CFAP44: variants seen among roughly 807,000 people sequenced by gnomAD.
The protein encoded by CFAP44 is cilia- and flagella-associated protein 44.
CFAP44 carries 134 observed loss-of-function variants against 216.2 expected under a neutral mutation model. That is an observed-to-expected ratio of 0.62 (90% CI 0.54 to 0.72). The LOEUF (loss-of-function observed/expected upper bound fraction) is 0.72, where lower values mean the gene tolerates loss of function less well. Among genes scored for constraint, CFAP44 ranks in the 30% least tolerant of loss-of-function variants. The probability of loss-of-function intolerance (pLI) is 0.00; values close to 1 mark genes in which losing one functional copy is unlikely to be tolerated. For missense variants in CFAP44, 2,035 were observed against 2,182.1 expected, an observed-to-expected ratio of 0.93 and a Z score of 1.34; for synonymous variants, 700 against 727.6, an observed-to-expected ratio of 0.96 and a Z score of 0.61.
In CFAP44 at chr3:113,381,411, T is replaced by TA. The variant is rs1277729254; in HGVS notation, c.1891-352dup. Among the ~76,000 whole-genome samples, 9 of 152,306 alleles carry TA rather than the reference T, an allele frequency of 5.9e-5. No individual in the cohort carries two copies. The East Asian group carries it at 1.7e-3, about 29-fold the overall frequency. On this transcript the variant is annotated intron_variant, in intron 15 of 34. Transcript: ENST00000393845. ...TCTGTTAGCCGAAAGGACCAGATAT[T>TA]AAAATTAGGACTGCCAAGGAAACTC...
At chr3:113,396,862 T>C in intron 13 of CFAP44, 135 bp from the exon 14 acceptor site, 1 of 835,762 alleles carries the variant, frequency 1.2e-6, no homozygotes, top group Admixed American at 2.7e-5. Context: ...CACTTTCTGG[T>C]AACCTCTATC....
chr3:113,346,938 C>T (rs1362446720), intron 22 of CFAP44, among the ~76,000 whole-genome samples: 2 of 152,200 alleles, frequency 1.3e-5, no homozygotes, highest in East Asian at 3.9e-4. Flanking sequence ...AGCTATAACA[C>T]TCACCGCGAA....
intron 18 of CFAP44, 51 bp downstream of exon 18, chr3:113,373,360 T>G: frequency 7.2e-7 from 1 of 1,398,558 alleles, no homozygotes; most frequent in Non-Finnish European, 9.4e-7. Context: ...AACAAAAGCA[T>G]AGACACTAAC....
At chr3:113,360,926 TAAAA>T in intron 21 of CFAP44, 3 of 207,262 alleles carry the variant, frequency 1.4e-5, no homozygotes, top group Non-Finnish European at 2.0e-5. Flanking sequence ...GCTACTAATA[TAAAA>T]AAAAAAAAGG....
At chr3:113,407,205 G>C (rs1458734071) in intron 7 of CFAP44, among the ~76,000 whole-genome samples, 164 bp from the exon 8 acceptor site, 1 of 152,070 alleles carries the variant, frequency 6.6e-6, no homozygotes, top group Non-Finnish European at 1.5e-5. Context: ...GCCCGGCAAG[G>C]TTGTAGGCAA....
chr3:113,429,763 C>G (rs1221089978), intron 2 of CFAP44, among the ~76,000 whole-genome samples: 3 of 151,764 alleles, frequency 2.0e-5, no homozygotes, highest in Non-Finnish European at 2.9e-5. Flanking sequence ...AGATTATTTA[C>G]TCTTTAGAAT....
chr3:113,337,378 C>T (rs1029824787), intron 24 of CFAP44, among the ~76,000 whole-genome samples: 2 of 151,976 alleles, frequency 1.3e-5, no homozygotes, highest in African/African-American at 4.8e-5. Context: ...TACAAATTCT[C>T]CCCAAAGTAA....
chr3:113,412,778 G>A (rs999505562), intron 6 of CFAP44, among the ~76,000 whole-genome samples: 2 of 152,102 alleles, frequency 1.3e-5, no homozygotes, highest in African/African-American at 4.8e-5. Context: ...TATCATTGAT[G>A]GGCACTTGGG....
At chr3:113,388,116 C>T (rs1207221842) in intron 15 of CFAP44, among the ~76,000 whole-genome samples, 2 of 152,124 alleles carry the variant, frequency 1.3e-5, no homozygotes, top group Non-Finnish European at 2.9e-5. Flanking sequence ...ACGATCTCAC[C>T]ACCCTGAAGG....
At chr3:113,356,228 A>G (rs907399607) in intron 22 of CFAP44, among the ~76,000 whole-genome samples, 2 of 150,776 alleles carry the variant, frequency 1.3e-5, no homozygotes, top group Non-Finnish European at 3.0e-5. Context: ...TTTAAGATAT[A>G]TCATGTTTAT....
At chr3:113,292,110 G>C (rs1326207380) in intron 34 of CFAP44, among the ~76,000 whole-genome samples, 1 of 152,110 alleles carries the variant, frequency 6.6e-6, no homozygotes, top group African/African-American at 2.4e-5. Context: ...TTCCTCATCG[G>C]AGTTATTTCC....
intron 28 of CFAP44, among the ~76,000 whole-genome samples, chr3:113,312,053 G>A (rs1355320806): frequency 1.3e-5 from 2 of 149,426 alleles, no homozygotes; most frequent in East Asian, 4.0e-4. Flanking sequence ...TCAGTTTTGT[G>A]TGTGTCTGTG....
At chr3:113,298,638 T>C (rs574302068) in intron 32 of CFAP44, among the ~76,000 whole-genome samples, 2 of 152,390 alleles carry the variant, frequency 1.3e-5, no homozygotes, top group South Asian at 2.1e-4. Context: ...GTACATATAA[T>C]GGAATATTAT....
intron 28 of CFAP44, among the ~76,000 whole-genome samples, chr3:113,313,811 A>G (rs1950062858): frequency 6.6e-6 from 1 of 152,216 alleles, no homozygotes; most frequent in Middle Eastern, 3.2e-3. Flanking sequence ...ATTCTGAGGC[A>G]TCCCCAGCCA....
chr3:113,341,246 C>A (rs546035557), intron 24 of CFAP44, among the ~76,000 whole-genome samples: 3 of 152,190 alleles, frequency 2.0e-5, no homozygotes. Flanking sequence ...AGCCCCAGCC[C>A]GGGACCACGC....
intron 33 of CFAP44, among the ~76,000 whole-genome samples, chr3:113,295,753 TCAGC>T (rs778738217): frequency 2.0e-5 from 3 of 152,230 alleles, no homozygotes; most frequent in Non-Finnish European, 4.4e-5. Context: ...TAAGACTGTA[TCAGC>T]CAAACAGTCT....
intron 2 of CFAP44, among the ~76,000 whole-genome samples, chr3:113,429,671 A>C (rs1935052957): frequency 6.6e-6 from 1 of 152,126 alleles, no homozygotes; most frequent in South Asian, 2.1e-4. Flanking sequence ...GAAATTAACA[A>C]ATAATATTTG....
At chr3:113,416,427 T>C (rs1934649039) in intron 6 of CFAP44, 98 bp downstream of exon 6, 1 of 937,562 alleles carries the variant, frequency 1.1e-6, no homozygotes, top group African/African-American at 1.7e-5. Context: ...ACTAGTTCTG[T>C]TTCTCTGGAG....
chr3:113,427,447 T>G, intron 2 of CFAP44, 108 bp from the exon 3 acceptor site: 1 of 761,854 alleles, frequency 1.3e-6, no homozygotes, highest in South Asian at 2.1e-5. Context: ...ATAAATCTAA[T>G]ACATACTCAA....
Sources: allele counts gnomAD v4.1 joint callset (sites outside exome capture counted in the v4.1 genomes callset), GRCh38; gene constraint gnomAD v4.1.1; transcripts MANE v1.5; gene names NCBI Gene and HGNC (gene_info 2026-07-23, HGNC 2026-07-21).